GSK3B: variants seen among roughly 807,000 people sequenced by gnomAD.
GSK3B encodes the protein glycogen synthase kinase-3 beta.
In GSK3B, 15 loss-of-function variants were observed where a neutral mutation model predicts 56.4. The ratio of observed to expected loss-of-function variants is 0.27; its 90% CI spans 0.18 to 0.41. GSK3B has a LOEUF of 0.41. Among genes scored for constraint, GSK3B ranks in the 10% least tolerant of loss-of-function variants. GSK3B has a pLI of 1.00. For synonymous variants in GSK3B, 181 were observed against 188.9 expected (o/e 0.96, Z 0.34); for missense variants, 300 against 513.4 (o/e 0.58, Z 4.02).
At chr3:119,832,890 T>C in intron 10 of GSK3B, 1 of 642,956 alleles carries the variant, frequency 1.6e-6, no homozygotes, top group Non-Finnish European at 1.9e-6. Flanking sequence ...AATTTTCATA[T>C]GTAAAATTCT....
intron 9 of GSK3B, among the ~76,000 whole-genome samples, chr3:119,860,754 G>A: frequency 6.6e-6 from 1 of 152,112 alleles, no homozygotes; most frequent in East Asian, 1.9e-4. Flanking sequence ...CATTAGAAAT[G>A]CCCAATAAAT....
At position 119,995,516 on chromosome 3, in the gene GSK3B, G is replaced by C. The variant is rs192912900; in HGVS notation, c.282+6530C>G. ...AGTCTCACTCTGTCACCAGGCTGGAGTGCAGTGGCGCGATCTCAGCTCACT... is the reference window on the plus strand; with the variant it reads ...AGTCTCACTCTGTCACCAGGCTGGACTGCAGTGGCGCGATCTCAGCTCACT... On this transcript the variant is annotated intron_variant, in intron 2 of 10. Transcript: ENST00000264235. Among the ~76,000 whole-genome samples, 453 of 151,640 alleles carry C rather than the reference G, an allele frequency of 3.0e-3. 1 individual carries two copies. The highest frequency in any genetic ancestry group is 4.8e-3 in the Non-Finnish European group (328 of 67,904).
intron 1 of GSK3B, among the ~76,000 whole-genome samples, chr3:120,038,516 ACT>A (rs991403768): frequency 4.6e-5 from 7 of 152,196 alleles, no homozygotes; most frequent in South Asian, 4.1e-4. Context: ...CAAGAGTGAG[ACT>A]CTGTCTCAAA....
chr3:120,081,063 T>C (rs1379094639), intron 1 of GSK3B, among the ~76,000 whole-genome samples: 1 of 152,108 alleles, frequency 6.6e-6, no homozygotes, highest in Non-Finnish European at 1.5e-5. Context: ...GGGGATACCG[T>C]AGTAGCGTCA....
At chr3:119,961,350 G>T (rs999906020) in intron 2 of GSK3B, among the ~76,000 whole-genome samples, 7 of 152,122 alleles carry the variant, frequency 4.6e-5, no homozygotes, top group Admixed American at 1.3e-4. Context: ...AAAACAGGCT[G>T]GGCGCAGTGG....
intron 2 of GSK3B, among the ~76,000 whole-genome samples, chr3:119,967,839 TC>T (rs1293393397): frequency 3.9e-5 from 3 of 77,294 alleles, no homozygotes; most frequent in African/African-American, 3.6e-4. Context: ...TCTCTTTCTC[TC>T]TCTCTCTCTC....
intron 1 of GSK3B, among the ~76,000 whole-genome samples, chr3:120,086,121 C>T (rs2058461422): frequency 6.6e-6 from 1 of 151,874 alleles, no homozygotes; most frequent in Non-Finnish European, 1.5e-5. Context: ...CCATGCAGTG[C>T]CTTCTAAGCA....
At chr3:119,957,732 G>A (rs1431405221) in intron 2 of GSK3B, among the ~76,000 whole-genome samples, 1 of 152,164 alleles carries the variant, frequency 6.6e-6, no homozygotes, top group Non-Finnish European at 1.5e-5. Flanking sequence ...ACTTAAGAGC[G>A]GGTGTAGGCA....
At chr3:119,882,579 T>C (rs1238789248) in intron 7 of GSK3B, among the ~76,000 whole-genome samples, 1 of 152,170 alleles carries the variant, frequency 6.6e-6, no homozygotes, top group Non-Finnish European at 1.5e-5. Context: ...CACATCAGCA[T>C]GCATATAATT....
intron 1 of GSK3B, among the ~76,000 whole-genome samples, chr3:120,048,528 C>T (rs1272458731): frequency 6.6e-6 from 1 of 152,212 alleles, no homozygotes; most frequent in African/African-American, 2.4e-5. Flanking sequence ...CCTCAGGCTC[C>T]TCATCTGTTA....
intron 2 of GSK3B, among the ~76,000 whole-genome samples, chr3:119,965,476 T>C (rs961219068): frequency 5.9e-5 from 9 of 152,034 alleles, no homozygotes; most frequent in South Asian, 2.1e-4. Context: ...CCTCCCAAAG[T>C]GCTGGGACTA....
intron 3 of GSK3B, among the ~76,000 whole-genome samples, chr3:119,936,693 A>G (rs1014968811): frequency 2.0e-5 from 3 of 151,914 alleles, no homozygotes; most frequent in African/African-American, 4.9e-5. Context: ...TCAAGGAGCT[A>G]TAACAATTAT....
chr3:119,890,883 T>A (rs563195352), intron 7 of GSK3B, among the ~76,000 whole-genome samples: 1 of 152,104 alleles, frequency 6.6e-6, no homozygotes, highest in East Asian at 1.9e-4. Context: ...AAATCAGAAC[T>A]ATTTTATATA....
At chr3:119,888,077 C>T (rs1037233096) in intron 7 of GSK3B, among the ~76,000 whole-genome samples, 2 of 151,964 alleles carry the variant, frequency 1.3e-5, no homozygotes, top group African/African-American at 4.8e-5. Context: ...ATCTTCACCA[C>T]AAAAAAGTAG....
chr3:119,926,309 C>T (rs1387266835), intron 3 of GSK3B, among the ~76,000 whole-genome samples: 1 of 149,796 alleles, frequency 6.7e-6, no homozygotes, highest in East Asian at 2.0e-4. Flanking sequence ...CAACTCCCAG[C>T]CCCTTCTCTC....
chr3:120,057,359 G>T (rs1232380623), intron 1 of GSK3B, among the ~76,000 whole-genome samples: 2 of 152,030 alleles, frequency 1.3e-5, no homozygotes, highest in African/African-American at 2.4e-5. Flanking sequence ...AGCAAAATGG[G>T]TCAAAAATCT....
At chr3:120,081,921 T>C (rs983017609) in intron 1 of GSK3B, among the ~76,000 whole-genome samples, 1 of 152,088 alleles carries the variant, frequency 6.6e-6, no homozygotes, top group Non-Finnish European at 1.5e-5. Flanking sequence ...ACTAAAGAGG[T>C]GGCATTTGAG....
At chr3:119,905,648 G>T in intron 7 of GSK3B, 107 bp downstream of exon 7, 1 of 706,206 alleles carries the variant, frequency 1.4e-6, no homozygotes, top group Non-Finnish European at 2.5e-6. Context: ...ACCTTGGATT[G>T]CTTCCTCCAT....
At chr3:119,943,084 CCT>C (rs980890414) in intron 3 of GSK3B, among the ~76,000 whole-genome samples, 5 of 152,180 alleles carry the variant, frequency 3.3e-5, no homozygotes, top group Non-Finnish European at 7.4e-5. Flanking sequence ...ACCCCTTTCC[CCT>C]GTTACAGGAT....
Sources: gnomAD v4.1 joint callset for allele counts (sites outside exome capture counted in the v4.1 genomes callset) on GRCh38, gnomAD v4.1.1 for gene constraint, MANE v1.5 for transcripts, NCBI Gene and HGNC (gene_info 2026-07-23, HGNC 2026-07-21) for gene names.